Variants in DCC observed in about 807,000 individuals in gnomAD.
DCC encodes the protein DCC netrin 1 receptor.
Under a neutral mutation model 172.5 loss-of-function variants are expected in DCC, and 58 were observed. The ratio of observed to expected loss-of-function variants is 0.34; its 90% CI spans 0.27 to 0.42. DCC has a LOEUF of 0.42. Ranked by LOEUF, DCC falls within the 10% of genes least tolerant of loss-of-function variation. The pLI, the probability that DCC is intolerant of heterozygous loss-of-function variation, is 1.00. For synonymous variants in DCC, 709 were observed against 644.5 expected (o/e 1.10, Z -1.52); for missense variants, 1,740 against 1,791.0 (o/e 0.97, Z 0.51).
intron 13 of DCC, among the ~76,000 whole-genome samples, chr18:53,307,872 C>T (rs2057217988): frequency 7.6e-6 from 1 of 131,684 alleles, no homozygotes. Flanking sequence ...GTCCATAACC[C>T]TTCTGGAAAG....
At chr18:53,394,664 A>G (rs574024334) in intron 17 of DCC, among the ~76,000 whole-genome samples, 1 of 152,286 alleles carries the variant, frequency 6.6e-6, no homozygotes, top group African/African-American at 2.4e-5. Flanking sequence ...ATGCAACTCA[A>G]TGGGAGGAGC....
At chr18:53,145,148 T>A (rs992020442) in intron 7 of DCC, among the ~76,000 whole-genome samples, 8 of 131,858 alleles carry the variant, frequency 6.1e-5, no homozygotes, top group African/African-American at 2.3e-4. Flanking sequence ...CGACTCTTGC[T>A]CTGTTGCCCA....
chr18:53,079,384 TATAG>T lies in DCC; in HGVS notation c.1261+13220_1261+13223del, dbSNP rs757963181. Among the ~76,000 whole-genome samples the T allele has an allele frequency of 1.3e-3, 199 of 152,268 alleles. 2 individuals carry two copies. Among genetic ancestry groups the T allele is most frequent in the Non-Finnish European group, 5.0e-4 (34 of 68,012 alleles). On this transcript the variant is annotated intron_variant, in intron 7 of 28. Transcript: ENST00000442544. ...AGATCTTCTTTAATACGCTTGCTTA[TATAG>T]AAACAGATGACCCTTGGGGAAATTC...
chr18:53,169,988 G>C (rs918597861), intron 8 of DCC, among the ~76,000 whole-genome samples: 1 of 152,090 alleles, frequency 6.6e-6, no homozygotes, highest in Non-Finnish European at 1.5e-5. Flanking sequence ...CTTAGTTGTT[G>C]GGAAATGGTT....
At chr18:53,110,469 C>T (rs971510955) in intron 7 of DCC, among the ~76,000 whole-genome samples, 2 of 151,576 alleles carry the variant, frequency 1.3e-5, no homozygotes, top group Non-Finnish European at 3.0e-5. Flanking sequence ...AGGGCTTTTG[C>T]CACTTTGGTC....
intron 2 of DCC, among the ~76,000 whole-genome samples, chr18:52,834,044 C>T (rs2038661747): frequency 6.6e-6 from 1 of 152,136 alleles, no homozygotes; most frequent in African/African-American, 2.4e-5. Flanking sequence ...ACAGCAGCTT[C>T]TGCAGAAAAC....
intron 2 of DCC, among the ~76,000 whole-genome samples, chr18:52,760,421 A>G (rs1048210537): frequency 2.6e-5 from 4 of 152,174 alleles, no homozygotes; most frequent in Non-Finnish European, 4.4e-5. Flanking sequence ...ACACAGAAGC[A>G]GACCATATCA....
At chr18:53,207,874 G>A in intron 11 of DCC, 57 bp downstream of exon 11, 1 of 1,455,544 alleles carries the variant, frequency 6.9e-7, no homozygotes, top group Non-Finnish European at 9.6e-7. Flanking sequence ...TGACAATAAT[G>A]ACATGATATT....
intron 8 of DCC, 27 bp downstream of exon 8, chr18:53,157,539 G>C: frequency 6.2e-7 from 1 of 1,612,612 alleles, no homozygotes; most frequent in Non-Finnish European, 8.5e-7. Flanking sequence ...ATAAAATTCA[G>C]CTTAATCGGT....
chr18:53,484,751 T>C (rs2045881460), intron 25 of DCC, among the ~76,000 whole-genome samples: 2 of 152,092 alleles, frequency 1.3e-5, no homozygotes, highest in South Asian at 4.1e-4. Context: ...TCTTTCTCAG[T>C]ATTGCTTTGG....
intron 1 of DCC, 146 bp downstream of exon 1, chr18:52,341,024 AAGAT>A (rs2144216500): frequency 3.5e-6 from 2 of 577,626 alleles, no homozygotes; most frequent in South Asian, 1.5e-5. Flanking sequence ...CCGATGATAA[AAGAT>A]AGAAGAGTTT....
intron 15 of DCC, among the ~76,000 whole-genome samples, chr18:53,372,378 G>A (rs1251236274): frequency 6.6e-6 from 1 of 152,006 alleles, no homozygotes; most frequent in Non-Finnish European, 1.5e-5. Flanking sequence ...AATACTACAT[G>A]TTCTCACTTA....
chr18:53,375,306 TC>T (rs779527529), intron 15 of DCC, among the ~76,000 whole-genome samples: 80 of 152,214 alleles, frequency 5.3e-4, no homozygotes, highest in Non-Finnish European at 1.0e-3. Flanking sequence ...TCCCTTGCCC[TC>T]ACTCAGAAAC....
chr18:52,409,452 A>G (rs531215469), intron 1 of DCC, among the ~76,000 whole-genome samples: 1 of 152,260 alleles, frequency 6.6e-6, no homozygotes, highest in East Asian at 1.9e-4. Context: ...TAAAACTGGA[A>G]TTTTATGTAG....
chr18:52,921,585 G>C (rs1318615489), intron 3 of DCC, among the ~76,000 whole-genome samples: 4 of 151,814 alleles, frequency 2.6e-5, no homozygotes, highest in African/African-American at 9.7e-5. Context: ...TGTAATCCCA[G>C]CTATTTGAGA....
At chr18:52,917,464 G>A (rs1356132541) in intron 3 of DCC, among the ~76,000 whole-genome samples, 2 of 152,264 alleles carry the variant, frequency 1.3e-5, no homozygotes, top group African/African-American at 2.4e-5. Flanking sequence ...AAGCACAAAA[G>A]TTCCTGAGAC....
At chr18:52,564,690 C>G (rs1362225600) in intron 1 of DCC, among the ~76,000 whole-genome samples, 1 of 150,416 alleles carries the variant, frequency 6.6e-6, no homozygotes, top group Non-Finnish European at 1.5e-5. Context: ...GTTAAAATGC[C>G]TCTTTCAGCA....
At chr18:53,371,555 TA>T (rs1271898703) in intron 15 of DCC, among the ~76,000 whole-genome samples, 1 of 151,946 alleles carries the variant, frequency 6.6e-6, no homozygotes, top group Non-Finnish European at 1.5e-5. Context: ...TGCAGGTTTT[TA>T]AAAGACAGAA....
rs2165650 is a variant in DCC at position 52,511,317 on chromosome 18, G to A, written c.91+170439G>A. On this transcript the variant is annotated intron_variant, in intron 1 of 28. Transcript: ENST00000442544. ...AAAAAAAGAAAGAAAGAAAAATCTAGGAGACCTTAGAGCCTGGTTTGATAA... is the reference window on the plus strand; with the variant it reads ...AAAAAAAGAAAGAAAGAAAAATCTAAGAGACCTTAGAGCCTGGTTTGATAA... 9.6e-3 allele frequency among the ~76,000 whole-genome samples: 1,443 copies of A among 151,040 alleles called. 27 individuals are homozygous for A. Among genetic ancestry groups the A allele is most frequent in the Admixed American group, 0.023 (341 of 15,154 alleles).
Sources: allele counts gnomAD v4.1 joint callset (sites outside exome capture counted in the v4.1 genomes callset), GRCh38; gene constraint gnomAD v4.1.1; transcripts MANE v1.5; gene names NCBI Gene and HGNC (gene_info 2026-07-23, HGNC 2026-07-21).